The following KDM5B variants were observed in gnomAD, a reference collection of about 807,000 sequenced individuals.
KDM5B encodes the protein lysine-specific demethylase 5B.
In KDM5B, 144 loss-of-function variants were observed where a neutral mutation model predicts 193.4. The observed-to-expected ratio is 0.74, with a 90% CI of 0.65 to 0.86. KDM5B has a LOEUF of 0.86. Ranked by LOEUF, KDM5B falls within the 40% of genes least tolerant of loss-of-function variation. KDM5B has a pLI of 0.00. For synonymous variants in KDM5B, 668 were observed against 682.6 expected (o/e 0.98, Z 0.33); for missense variants, 1,833 against 1,886.9 (o/e 0.97, Z 0.53).
intron 1 of KDM5B, among the ~76,000 whole-genome samples, chr1:202,781,467 G>A (rs1657195088): frequency 1.3e-5 from 2 of 152,160 alleles, no homozygotes; most frequent in Admixed American, 1.3e-4. Context: ...TATGGTTAAT[G>A]TTTTAAATGT....
intron 1 of KDM5B, among the ~76,000 whole-genome samples, chr1:202,807,563 G>T (rs1658353895): frequency 6.6e-6 from 1 of 152,004 alleles, no homozygotes; most frequent in Admixed American, 6.5e-5. Flanking sequence ...GCTCCGGGCC[G>T]ACGCCGCCAC....
chr1:202,758,430 T>G lies in KDM5B; in HGVS notation c.1158A>C (p.Ala386=), dbSNP rs1656106082. ...DYTLRTFGEM[A]DAFKSDYFNM... ...TGAAGTAATCAGATTTGAACGCATC[T>G]GCCATTTCCCCAAAAGTACGGAGGG... is the stretch of plus-strand genomic sequence containing the variant. The change falls in exon 9 of 27, where the codon GCA becomes GCC. Residue 386 remains alanine, a synonymous_variant. Transcript: ENST00000367265. The G allele has an allele frequency of 6.2e-7, 1 of 1,613,562 alleles. No homozygotes were observed. Among genetic ancestry groups the G allele is most frequent in the East Asian group, 2.2e-5 (1 of 44,860 alleles).
intron 1 of KDM5B, among the ~76,000 whole-genome samples, chr1:202,799,508 C>A (rs1657988653): frequency 6.6e-6 from 1 of 151,980 alleles, no homozygotes; most frequent in African/African-American, 2.4e-5. Flanking sequence ...ACAAAATTAG[C>A]CGGGTGTGGT....
At chr1:202,778,981 C>T (rs574142753) in intron 1 of KDM5B, among the ~76,000 whole-genome samples, 4 of 151,954 alleles carry the variant, frequency 2.6e-5, no homozygotes, top group East Asian at 1.9e-4. Flanking sequence ...GGTCGGGGGG[C>T]GGAACAGGCT....
In KDM5B at chr1:202,773,103, A is replaced by G. The variant is rs754579919; in HGVS notation, c.576+15T>C. The G allele has an allele frequency of 1.3e-6, 2 of 1,578,748 alleles. No individual in the cohort carries two copies. The highest frequency in any genetic ancestry group is 1.3e-5 in the African/African-American group (1 of 74,122). On this transcript the variant is annotated intron_variant, in intron 4 of 26. Coordinates refer to ENST00000367265, the MANE Select transcript of KDM5B (RefSeq NM_006618.5). ...TAGTAAGATAAAACAGGTTAAGGCT[A>G]GCCCCCAAACTTACCCTTAGGCTGT...
At chr1:202,769,038 T>A (rs1656595869) in intron 4 of KDM5B, among the ~76,000 whole-genome samples, 1 of 146,822 alleles carries the variant, frequency 6.8e-6, no homozygotes, top group East Asian at 2.0e-4. Context: ...TTCTTTTTTT[T>A]TCTTTTTTTT....
Position 202,733,688 on chromosome 1 carries a change from T to C in KDM5B, c.3622A>G (p.Ser1208Gly). The change falls in exon 23 of 27, where the codon AGT (serine) becomes GGT (glycine). Residue 1208 changes from serine (S) to glycine (G), a missense_variant. By Grantham distance (56) the Ser-to-Gly change is moderately conservative. This residue lies in a region of KDM5B where 1,379 missense variants were observed against 1,349.6 expected (regional missense o/e 1.02). Coordinates refer to ENST00000367265, the MANE Select transcript of KDM5B (RefSeq NM_006618.5). ...AFHTSCVAVP[S>G]ISQGLRIWLC... ...CAGATTCGCAGGCCCTGTGAAATAC[T>C]GGGTACCGCCACACAACTGGTGTGG... 1 of 1,614,142 alleles carries C rather than the reference T, an allele frequency of 6.2e-7. No individual in the cohort carries two copies. Among genetic ancestry groups the C allele is most frequent in the Non-Finnish European group, 8.5e-7 (1 of 1,180,006 alleles).
intron 1 of KDM5B, among the ~76,000 whole-genome samples, chr1:202,787,793 T>C (rs1261073500): frequency 3.3e-5 from 5 of 151,454 alleles, no homozygotes; most frequent in Admixed American, 6.6e-5. Flanking sequence ...CTTGGGAGGC[T>C]GAGGCAGAAT....
intron 21 of KDM5B, among the ~76,000 whole-genome samples, chr1:202,735,810 T>G (rs977720915): frequency 6.6e-6 from 1 of 152,228 alleles, no homozygotes; most frequent in Non-Finnish European, 1.5e-5. Context: ...AAGTTAAAAA[T>G]GTGATATATA....
intron 24 of KDM5B, 108 bp from the exon 25 acceptor site, chr1:202,731,171 C>T: frequency 1.3e-6 from 1 of 777,198 alleles, no homozygotes; most frequent in Non-Finnish European, 2.0e-6. Flanking sequence ...CACTACTACC[C>T]TCTCCTTCTT....
intron 4 of KDM5B, 41 bp downstream of exon 4, chr1:202,773,077 G>A (rs781633898): frequency 7.5e-6 from 10 of 1,326,190 alleles, no homozygotes; most frequent in South Asian, 1.2e-5. Flanking sequence ...GTACCAATAA[G>A]TAGTAAGATA....
intron 25 of KDM5B, 91 bp downstream of exon 25, chr1:202,730,818 C>T (rs1654855975): frequency 7.6e-7 from 1 of 1,320,452 alleles, no homozygotes. Context: ...CCAGTCCTCA[C>T]ACCAGCTGTC....
In KDM5B at chr1:202,733,401, CT is replaced by C; in HGVS notation, c.3908del (p.Lys1303ArgfsTer44). ...CCCAACAAGGAAAGTCCAGATTCAC[CT>C]TGTTTGTGTCTGACACCTGTCCTGC... The part of the protein sequence containing the change: ...ASAGQVSDTN[K>X]VSQPPGTTSF... On this transcript the variant is annotated frameshift_variant and splice_region_variant, in exon 23 of 27. Coordinates refer to ENST00000367265, the MANE Select transcript of KDM5B (RefSeq NM_006618.5). LOFTEE classifies it high-confidence loss of function. 1 of 1,609,456 alleles carries C rather than the reference CT, an allele frequency of 6.2e-7. No homozygotes were observed. The highest frequency in any genetic ancestry group is 2.2e-5 in the East Asian group (1 of 44,754).
intron 20 of KDM5B, 132 bp downstream of exon 20, chr1:202,740,542 C>T (rs1253010538): frequency 3.6e-5 from 24 of 664,068 alleles, no homozygotes; most frequent in African/African-American, 3.4e-4. Flanking sequence ...TGGGCAGAGG[C>T]GCCCCTCACC....
At chr1:202,800,022 T>A (rs533282951) in intron 1 of KDM5B, among the ~76,000 whole-genome samples, 21 of 152,324 alleles carry the variant, frequency 1.4e-4, no homozygotes, top group Non-Finnish European at 2.9e-4. Flanking sequence ...TCCCTAAAAC[T>A]TCTTTTCCAG....
chr1:202,808,106 G>A lies in KDM5B; in HGVS notation c.200C>T (p.Pro67Leu). ...CGGGGTGCTGGCGTGACTCACCGGC[G>A]GCGGCCGCACCTTACAGATGCCAGT... ...EQTGICKVRP[P>L]PDWQPPFACD... The change falls in exon 1 of 27, where the codon CCG becomes CTG. Residue 67 changes from proline to leucine, a missense_variant. Physicochemically the swap from Pro to Leu is moderately conservative, Grantham distance 98. Transcript: ENST00000367265. 6.2e-7 allele frequency: 1 copy of A among 1,610,118 alleles called. No individual in the cohort carries two copies. The highest frequency in any genetic ancestry group is 8.5e-7 in the Non-Finnish European group (1 of 1,178,634).
At chr1:202,779,328 A>C (rs970964201) in intron 1 of KDM5B, among the ~76,000 whole-genome samples, 1 of 151,924 alleles carries the variant, frequency 6.6e-6, no homozygotes, top group African/African-American at 2.4e-5. Flanking sequence ...TAACACAAAA[A>C]ATTAGCCAGG....
intron 1 of KDM5B, among the ~76,000 whole-genome samples, chr1:202,799,410 T>C (rs1657984556): frequency 6.6e-6 from 1 of 152,168 alleles, no homozygotes; most frequent in Non-Finnish European, 1.5e-5. Flanking sequence ...TCCCAGCACT[T>C]TGGGAGGCCG....
chr1:202,793,925 C>A (rs546895129), intron 1 of KDM5B, among the ~76,000 whole-genome samples: 2 of 152,322 alleles, frequency 1.3e-5, no homozygotes, highest in East Asian at 3.9e-4. Flanking sequence ...CAAACCCATA[C>A]TCTACCACAA....
Sources: allele counts gnomAD v4.1 joint callset (sites outside exome capture counted in the v4.1 genomes callset), GRCh38; gene constraint gnomAD v4.1.1; regional missense constraint gnomAD v4.1.1; transcripts MANE v1.5; gene names NCBI Gene and HGNC (gene_info 2026-07-23, HGNC 2026-07-21).